OBP2A: variants seen among roughly 807,000 people sequenced by gnomAD.
The protein encoded by OBP2A is odorant-binding protein 2a.
OBP2A carries 15 observed loss-of-function variants against 21.9 expected under a neutral mutation model. The ratio of observed to expected loss-of-function variants is 0.69; its 90% CI spans 0.46 to 1.06. The LOEUF (loss-of-function observed/expected upper bound fraction) is 1.06. OBP2A is among the 50% of genes least tolerant of loss of function. The pLI, the probability that OBP2A is intolerant of heterozygous loss-of-function variation, is 0.00. For synonymous variants in OBP2A, 86 were observed against 91.8 expected (o/e 0.94, Z 0.36); for missense variants, 192 against 220.1 (o/e 0.87, Z 0.81).
chr9:135,548,609 G>T, intron 4 of OBP2A, 99 bp from the exon 5 acceptor site: 6 of 1,563,438 alleles, frequency 3.8e-6, no homozygotes, highest in Non-Finnish European at 5.2e-6. Context: ...CCTCTCCCCC[G>T]TCCTGATGCT....
At chr9:135,549,006 C>T (rs113790932) in intron 5 of OBP2A, among the ~76,000 whole-genome samples, 197 bp downstream of exon 5, 1,128 of 78,612 alleles carry the variant, frequency 0.014, 70 homozygotes, top group African/African-American at 0.053. Context: ...TCTGGGGCTC[C>T]GCGCTCTGGG....
intron 3 of OBP2A, 86 bp from the exon 4 acceptor site, chr9:135,547,785 A>G (rs1214681111): frequency 1.9e-6 from 2 of 1,073,438 alleles, no homozygotes; most frequent in Non-Finnish European, 2.7e-6. Flanking sequence ...GACCACTGAA[A>G]CATTCCTGAG....
At position 135,547,979 on chromosome 9, in the gene OBP2A, TG is replaced by T; in HGVS notation, c.388+1del. ...GGCCTGCGCTACATGGGAAAGCTTG[TG>T]GGTGAGGGGCCCGCTGGGGCCTGCA... ...RGGLRYMGKL[V>X]GRNPNTNLEA... On this transcript the variant is annotated frameshift_variant and splice_region_variant, in exon 4 of 7. Coordinates refer to ENST00000371776, the MANE Select transcript of OBP2A (RefSeq NM_014582.3). LOFTEE classifies it high-confidence loss of function. The T allele has an allele frequency of 1.2e-6, 2 of 1,603,306 alleles. No individual in the cohort carries two copies. The highest frequency in any genetic ancestry group is 8.5e-7 in the Non-Finnish European group (1 of 1,174,212).
chr9:135,548,772 A>T lies in OBP2A; in HGVS notation c.453A>T (p.Gly151=). 1 of 1,613,614 alleles carries T rather than the reference A, an allele frequency of 6.2e-7. No individual in the cohort carries two copies. Among genetic ancestry groups the T allele is most frequent in the African/African-American group, 1.3e-5 (1 of 74,888 alleles). Reference sequence around the variant, plus strand: ...TTAAGAAATTGGTGCAGCACAAGGGACTCTCGGAGGAGGACATTTTCATGC... The same window carrying T: ...TTAAGAAATTGGTGCAGCACAAGGGTCTCTCGGAGGAGGACATTTTCATGC... The part of the protein sequence containing the change: ...EEFKKLVQHK[G]LSEEDIFMPL... Residue 151 remains glycine, a synonymous_variant, in exon 5 of 7, where the codon GGA becomes GGT. Coordinates refer to ENST00000371776, the MANE Select transcript of OBP2A (RefSeq NM_014582.3).
In OBP2A at chr9:135,547,962, C is replaced by T. The variant is rs1276194298; in HGVS notation, c.369C>T (p.Arg123=). 1.2e-6 allele frequency: 2 copies of T among 1,611,024 alleles called. No homozygotes were observed. The highest frequency in any genetic ancestry group is 1.7e-6 in the Non-Finnish European group (2 of 1,178,364). Residue 123 remains arginine, a synonymous_variant, in exon 4 of 7, where the codon CGC becomes CGT. Coordinates refer to ENST00000371776, the MANE Select transcript of OBP2A (RefSeq NM_014582.3). ...YCKDQRRGGL[R]YMGKLVGRNP... is the part of the protein sequence containing the mutation. ...AAGACCAGCGCCGTGGGGGCCTGCGCTACATGGGAAAGCTTGTGGGTGAGG... is the reference window on the plus strand; with the variant it reads ...AAGACCAGCGCCGTGGGGGCCTGCGTTACATGGGAAAGCTTGTGGGTGAGG...
chr9:135,546,246 G>C lies in OBP2A; in HGVS notation c.66G>C (p.Glu22Asp), dbSNP rs772101717. Residue 22 changes from glutamate to aspartate, a missense_variant, in exon 1 of 7, where the codon GAG becomes GAC. Glu to Asp is a conservative substitution (Grantham distance 45). Coordinates refer to ENST00000371776, the MANE Select transcript of OBP2A (RefSeq NM_014582.3). ...LAAALSFTLE[E>D]EDITGTWYVK... is the part of the protein sequence containing the mutation. The stretch of plus-strand genomic sequence containing the variant: ...CTGCCCTGTCCTTCACCCTGGAGGA[G>C]GAGGATGTGAGCTGGGTTGGCGTGG... 6.0e-6 allele frequency: 9 copies of C among 1,509,608 alleles called. No homozygotes were observed. In the Middle Eastern group the frequency reaches 1.6e-3, roughly 261 times the overall value. The allele number at this position is 1,509,608 out of a possible 1,614,324, so 93.5% of individuals were successfully genotyped here. A position where few individuals can be genotyped will look rare whatever the true frequency, so the allele number is the denominator to read the frequency against.
Position 135,547,997 on chromosome 9 carries a change from G to T in OBP2A, c.388+16G>T. On this transcript the variant is annotated intron_variant, in intron 4 of 6. Transcript: ENST00000371776. ...AAGCTTGTGGGTGAGGGGCCCGCTG[G>T]GGCCTGCATGTCCTGCCCCATGGTC... 7 of 1,560,792 alleles carry T rather than the reference G, an allele frequency of 4.5e-6. No individual in the cohort carries two copies. Among genetic ancestry groups the T allele is most frequent in the Non-Finnish European group, 6.1e-6 (7 of 1,140,928 alleles).
At chr9:135,547,578 G>A (rs886353569) in intron 3 of OBP2A, among the ~76,000 whole-genome samples, 9 of 152,234 alleles carry the variant, frequency 5.9e-5, no homozygotes, top group Admixed American at 1.3e-4. Flanking sequence ...TCAGGAATCC[G>A]AGGGTTAGGG....
intron 3 of OBP2A, 129 bp from the exon 4 acceptor site, chr9:135,547,742 A>G: frequency 1.4e-6 from 1 of 690,812 alleles, no homozygotes; most frequent in Non-Finnish European, 2.4e-6. Flanking sequence ...CGGAGCAGCC[A>G]GGCCTGGCTC....
chr9:135,549,649 C>T, intron 6 of OBP2A, 188 bp from the exon 7 acceptor site: 1 of 592,172 alleles, frequency 1.7e-6, no homozygotes, highest in South Asian at 2.1e-5. Context: ...GGTCTACTCC[C>T]CCCCACCCAC....
rs533855233 is a variant in OBP2A at position 135,548,595 on chromosome 9, C to T, written c.389-113C>T. ...CCACCCCTGAGCTCTGATCCACTCTCGGGCCTCTCCCCCGTCCTGATGCTG... is the reference window on the plus strand; with the variant it reads ...CCACCCCTGAGCTCTGATCCACTCTTGGGCCTCTCCCCCGTCCTGATGCTG... On this transcript the variant is annotated intron_variant, in intron 4 of 6. Coordinates refer to ENST00000371776, the MANE Select transcript of OBP2A (RefSeq NM_014582.3). The T allele has an allele frequency of 5.2e-4, 785 of 1,505,284 alleles. 5 individuals are homozygous for T. In the East Asian group the frequency reaches 9.1e-3, roughly 17 times the overall value. 93.2% of individuals were successfully genotyped at this position (1,505,284 alleles called of 1,614,324 possible). A position where few individuals can be genotyped will look rare whatever the true frequency, so the allele number is the denominator to read the frequency against.
intron 2 of OBP2A, 21 bp downstream of exon 2, chr9:135,546,932 G>A (rs1433435208): frequency 6.2e-7 from 1 of 1,610,732 alleles, no homozygotes; most frequent in Non-Finnish European, 8.5e-7. Context: ...CCCACTGCAG[G>A]GCCCCTCAGG....
chr9:135,547,108 G>A lies in OBP2A; in HGVS notation c.207-70G>A, dbSNP rs573532618. ...TTTCAGGTTGCCGGGTCAGGGCCAT[G>A]CACCAGGTGAGCTGAGGATGGGCCA... On this transcript the variant is annotated intron_variant, in intron 2 of 6. Transcript: ENST00000371776. The A allele has an allele frequency of 3.3e-6, 5 of 1,505,008 alleles. No homozygotes were observed. In the African/African-American group the frequency reaches 6.7e-5, roughly 20 times the overall value. 93.2% of individuals were successfully genotyped at this position (1,505,008 alleles called of 1,614,324 possible). A position where few individuals can be genotyped will look rare whatever the true frequency, so the allele number is the denominator to read the frequency against.
intron 4 of OBP2A, 58 bp downstream of exon 4, chr9:135,548,039 A>G (rs907623458): frequency 1.2e-4 from 154 of 1,274,674 alleles, no homozygotes; most frequent in Non-Finnish European, 2.6e-5. Flanking sequence ...TCCAGAAGCC[A>G]GTGGAACCAC....
Position 135,547,181 on chromosome 9 carries a change from G to T in OBP2A, c.210G>T (p.Arg70Ser). ...CCGAGTGTCTCCTGTTTTCCAGGAGGGAGGATCGGTGCATCCAGAAGAAAA... is the reference window on the plus strand; with the variant it reads ...CCGAGTGTCTCCTGTTTTCCAGGAGTGAGGATCGGTGCATCCAGAAGAAAA... ...GNLEATFTFMREDRCIQKKIL... is the reference protein window; with the variant it reads ...GNLEATFTFMSEDRCIQKKIL... Residue 70 changes from arginine to serine, a missense_variant, in exon 3 of 7, where the codon AGG becomes AGT. Physicochemically the swap from Arg to Ser is moderately radical, Grantham distance 110. Transcript: ENST00000371776. 1 of 1,612,366 alleles carries T rather than the reference G, an allele frequency of 6.2e-7. No homozygotes were observed. Among genetic ancestry groups the T allele is most frequent in the African/African-American group, 1.3e-5 (1 of 74,948 alleles).
At chr9:135,548,013 C>T in intron 4 of OBP2A, 32 bp downstream of exon 4, 2 of 1,475,618 alleles carry the variant, frequency 1.4e-6, no homozygotes, top group Middle Eastern at 1.8e-4. Flanking sequence ...GCATGTCCTG[C>T]CCCATGGTCT....
Position 135,546,766 on chromosome 9 carries a change from G to C in OBP2A, c.73-12G>C, listed in dbSNP as rs1239074387. Reference sequence around the variant, plus strand: ...CCACCCATGGTGGGCTCACGGCCTTGGCCTGCTCCAGATCACAGGGACCTG... The same window carrying C: ...CCACCCATGGTGGGCTCACGGCCTTCGCCTGCTCCAGATCACAGGGACCTG... On this transcript the variant is annotated splice_polypyrimidine_tract_variant and intron_variant, in intron 1 of 6. Coordinates refer to ENST00000371776, the MANE Select transcript of OBP2A (RefSeq NM_014582.3). 1.9e-6 allele frequency: 3 copies of C among 1,602,198 alleles called. No homozygotes were observed. In the Admixed American group the frequency reaches 5.1e-5, roughly 27 times the overall value.
Position 135,547,191 on chromosome 9 carries a change from T to C in OBP2A, c.220T>C (p.Cys74Arg). ...CCTGTTTTCCAGGAGGGAGGATCGG[T>C]GCATCCAGAAGAAAATCCTGATGCG... is the stretch of plus-strand genomic sequence containing the variant. Reference protein sequence around the residue: ...ATFTFMREDRCIQKKILMRKT... With the variant: ...ATFTFMREDRRIQKKILMRKT... Residue 74 changes from cysteine (C) to arginine (R), a missense_variant, in exon 3 of 7, where the codon TGC (cysteine) becomes CGC (arginine). Physicochemically the swap from Cys to Arg is radical, Grantham distance 180 (BLOSUM62 -3). Transcript: ENST00000371776. 1.2e-6 allele frequency: 2 copies of C among 1,612,546 alleles called. No homozygotes were observed. The highest frequency in any genetic ancestry group is 4.5e-5 in the East Asian group (2 of 44,858).
rs1403742028 is a variant in OBP2A, at chr9:135,548,896, C to A, written c.490+87C>A. On this transcript the variant is annotated intron_variant, in intron 5 of 6. Coordinates refer to ENST00000371776, the MANE Select transcript of OBP2A (RefSeq NM_014582.3). ...CCATGACCCCCATGTCCTCCCATGTCCCCCGCATTCCCCGTGTGCCCCGAG... is the reference window on the plus strand; with the variant it reads ...CCATGACCCCCATGTCCTCCCATGTACCCCGCATTCCCCGTGTGCCCCGAG... 7 of 1,376,766 alleles carry A rather than the reference C, an allele frequency of 5.1e-6. No individual in the cohort carries two copies. In the African/African-American group the frequency reaches 8.5e-5, roughly 17 times the overall value. The allele number at this position is 1,376,766 out of a possible 1,614,324, so 85.3% of individuals were successfully genotyped here. A position where few individuals can be genotyped will look rare whatever the true frequency, so the allele number is the denominator to read the frequency against.
Sources: gnomAD v4.1 joint callset for allele counts (sites outside exome capture counted in the v4.1 genomes callset) on GRCh38, gnomAD v4.1.1 for gene constraint, MANE v1.5 for transcripts, NCBI Gene and HGNC (gene_info 2026-07-23, HGNC 2026-07-21) for gene names.